Variants in H3-3A observed in about 807,000 individuals in gnomAD.
The protein encoded by H3-3A is H3.3 histone A, also known as histone H3.3.
For synonymous variants in H3-3A, 49 were observed against 61.4 expected (o/e 0.80, Z 0.95); for missense variants, 7 against 184.0 (o/e 0.04, Z 5.57).
chr1:226,064,251 G>T, intron 1 of H3-3A, 78 bp from the exon 2 acceptor site: 1 of 977,878 alleles, frequency 1.0e-6, no homozygotes, highest in Non-Finnish European at 1.6e-6. Flanking sequence ...CCAGATTTGG[G>T]GAGGGGGTGA....
At chr1:226,064,188 C>T (rs964489762) in intron 1 of H3-3A, 141 bp from the exon 2 acceptor site, 3 of 594,350 alleles carry the variant, frequency 5.0e-6, no homozygotes, top group Non-Finnish European at 8.8e-6. Flanking sequence ...TAATCTTCAC[C>T]CTTTCAAATT....
At chr1:226,063,456 A>G (rs1432262753) in intron 1 of H3-3A, among the ~76,000 whole-genome samples, 1 of 152,012 alleles carries the variant, frequency 6.6e-6, no homozygotes, top group African/African-American at 2.4e-5. Context: ...GGCACGTGGC[A>G]GGGGATAGGG....
At position 226,065,797 on chromosome 1, in the gene H3-3A, C is replaced by T. The variant is rs1657904774; in HGVS notation, c.270C>T (p.Ile90=). The part of the protein sequence containing the change: ...KTDLRFQSAA[I]GALQEASEAY... ...ATCTGCGCTTCCAGAGCGCAGCTAT[C>T]GGTGCTTTGCAGGTAAAATGGTGGG... Residue 90 remains isoleucine, a synonymous_variant, in exon 3 of 4, where the codon ATC becomes ATT. Transcript: ENST00000366815. 2.5e-6 allele frequency: 4 copies of T among 1,599,282 alleles called. No homozygotes were observed. Among genetic ancestry groups the T allele is most frequent in the African/African-American group, 2.7e-5 (2 of 74,548 alleles).
chr1:226,069,891 C>G (rs963527474), intron 3 of H3-3A, among the ~76,000 whole-genome samples: 1 of 152,200 alleles, frequency 6.6e-6, no homozygotes, highest in Non-Finnish European at 1.5e-5. Flanking sequence ...GATTCTTCAG[C>G]TTTTCAGACA....
chr1:226,069,872 A>G (rs1361068077), intron 3 of H3-3A, among the ~76,000 whole-genome samples: 1 of 152,204 alleles, frequency 6.6e-6, no homozygotes, highest in East Asian at 1.9e-4. Context: ...GTTTTGGCTT[A>G]GACTAAAAGA....
intron 2 of H3-3A, among the ~76,000 whole-genome samples, 171 bp from the exon 3 acceptor site, chr1:226,065,484 AC>A (rs1452021584): frequency 1.3e-5 from 2 of 152,318 alleles, no homozygotes; most frequent in East Asian, 3.9e-4. Flanking sequence ...AGGTATTGTT[AC>A]TAGATTTGAA....
chr1:226,062,169 G>T (rs1306382882), upstream of H3-3A: 2 of 151,782 alleles, frequency 1.3e-5, no homozygotes. Context: ...AATGGGGCGC[G>T]GCGACCCGGC....
chr1:226,065,093 G>A (rs1342423051), intron 2 of H3-3A, among the ~76,000 whole-genome samples: 1 of 152,188 alleles, frequency 6.6e-6, no homozygotes, highest in Non-Finnish European at 1.5e-5. Flanking sequence ...TAAATTTCTT[G>A]CTGACAATTA....
chr1:226,065,830 A>G, intron 3 of H3-3A, 21 bp downstream of exon 3: 1 of 1,562,408 alleles, frequency 6.4e-7, no homozygotes. Context: ...GGGTGGGAAG[A>G]CTCAGAGTTT....
chr1:226,064,144 C>T (rs369844933), intron 1 of H3-3A, 185 bp from the exon 2 acceptor site: 1 of 496,330 alleles, frequency 2.0e-6, no homozygotes, highest in Non-Finnish European at 3.7e-6. Flanking sequence ...TTCTAGTACT[C>T]TAGTTTGTTT....
chr1:226,064,627 A>G (rs1657862472), intron 2 of H3-3A, 148 bp downstream of exon 2: 3 of 611,380 alleles, frequency 4.9e-6, no homozygotes, highest in East Asian at 5.7e-5. Flanking sequence ...AAATAAATGT[A>G]CTGTATGATC....
intron 3 of H3-3A, among the ~76,000 whole-genome samples, chr1:226,068,598 G>A (rs1330559163): frequency 6.6e-6 from 1 of 152,150 alleles, no homozygotes; most frequent in Non-Finnish European, 1.5e-5. Flanking sequence ...TCTTAAGAAC[G>A]AATCTCGGAA....
upstream of H3-3A, chr1:226,062,598 G>GGGCGC (rs1211904387): frequency 1.3e-5 from 2 of 148,270 alleles, no homozygotes; most frequent in African/African-American, 5.1e-5. Context: ...GGCGGGGGCG[G>GGGCGC]GGCGCGAGAG....
intron 3 of H3-3A, chr1:226,067,219 C>A (rs1657957857): frequency 6.6e-6 from 1 of 152,100 alleles, no homozygotes; most frequent in Non-Finnish European, 1.5e-5. Context: ...ACTAAACAAT[C>A]TGGGTAAAAG....
chr1:226,068,087 GTTC>G (rs1657984892), intron 3 of H3-3A, among the ~76,000 whole-genome samples: 1 of 152,186 alleles, frequency 6.6e-6, no homozygotes. Context: ...CTTTCTTGTA[GTTC>G]TTTTTTTTCT....
At chr1:226,063,554 C>A (rs1303830709) in intron 1 of H3-3A, among the ~76,000 whole-genome samples, 1 of 152,040 alleles carries the variant, frequency 6.6e-6, no homozygotes, top group African/African-American at 2.4e-5. Context: ...GGTCGGGGAG[C>A]CGAGTTGGTT....
At chr1:226,065,016 C>T (rs1657877743) in intron 2 of H3-3A, among the ~76,000 whole-genome samples, 1 of 152,158 alleles carries the variant, frequency 6.6e-6, no homozygotes, top group African/African-American at 2.4e-5. Context: ...GACTTAGCCT[C>T]CGCAAATATT....
chr1:226,068,435 C>T (rs2102739460), intron 3 of H3-3A, among the ~76,000 whole-genome samples: 1 of 152,310 alleles, frequency 6.6e-6, no homozygotes, highest in East Asian at 1.9e-4. Context: ...CCACATTTTA[C>T]AAAAGCATTC....
chr1:226,068,803 T>G (rs1658004574), intron 3 of H3-3A, among the ~76,000 whole-genome samples: 1 of 152,168 alleles, frequency 6.6e-6, no homozygotes, highest in Non-Finnish European at 1.5e-5. Flanking sequence ...GCAAGGTCAT[T>G]GTGAGTGCCA....
Sources: allele counts gnomAD v4.1 joint callset (sites outside exome capture counted in the v4.1 genomes callset), GRCh38; gene constraint gnomAD v4.1.1; transcripts MANE v1.5; gene names NCBI Gene and HGNC (gene_info 2026-07-23, HGNC 2026-07-21).